The following KCNH1 variants were observed in gnomAD, a reference collection of about 807,000 sequenced individuals.
KCNH1 encodes potassium voltage-gated channel subfamily H member 1.
In KCNH1, 27 loss-of-function variants were observed where a neutral mutation model predicts 69.2. The ratio of observed to expected loss-of-function variants is 0.39; its 90% CI spans 0.29 to 0.54. The LOEUF (loss-of-function observed/expected upper bound fraction) is 0.54. Among genes scored for constraint, KCNH1 ranks in the 20% least tolerant of loss-of-function variants. The pLI is 0.68. For missense variants in KCNH1, 798 were observed against 1,261.6 expected (o/e 0.63, Z 5.57); for synonymous variants, 456 against 487.7 (o/e 0.93, Z 0.86).
At chr1:210,965,395 C>T (rs1478661282) in intron 6 of KCNH1, among the ~76,000 whole-genome samples, 4 of 152,160 alleles carry the variant, frequency 2.6e-5, no homozygotes, top group Admixed American at 1.3e-4. Context: ...TAAGCAACTT[C>T]AGCAGTCTCA....
rs549831105 is a variant in KCNH1, at chr1:210,704,315, C to T, written c.2113-20177G>A. On this transcript the variant is annotated intron_variant, in intron 10 of 10. Coordinates refer to ENST00000271751, the MANE Select transcript of KCNH1 (RefSeq NM_172362.3). ...TATCAACCTCATTTCTAATAACAAT[C>T]GCCACGCCTAGAAGATTAGTAGGCC... Among the ~76,000 whole-genome samples, 9 of 152,204 alleles carry T rather than the reference C, an allele frequency of 5.9e-5. 1 individual carries two copies. The highest frequency in any genetic ancestry group is 1.4e-4 in the African/African-American group (6 of 41,538).
At chr1:210,873,143 G>A (rs1378715493) in intron 7 of KCNH1, among the ~76,000 whole-genome samples, 1 of 152,032 alleles carries the variant, frequency 6.6e-6, no homozygotes, top group Non-Finnish European at 1.5e-5. Context: ...TTAAATTACA[G>A]GTATTACTTC....
chr1:211,078,814 A>G (rs1690787390), intron 5 of KCNH1, among the ~76,000 whole-genome samples: 2 of 149,970 alleles, frequency 1.3e-5, no homozygotes, highest in African/African-American at 4.9e-5. Context: ...GCTGCTCGGG[A>G]GGCTGAGGCA....
At chr1:210,776,984 A>G (rs1683872992) in intron 9 of KCNH1, among the ~76,000 whole-genome samples, 1 of 152,218 alleles carries the variant, frequency 6.6e-6, no homozygotes, top group Non-Finnish European at 1.5e-5. Flanking sequence ...ACAAATTTGA[A>G]TCCCCAGGGA....
intron 7 of KCNH1, among the ~76,000 whole-genome samples, chr1:210,909,939 GT>G (rs1465707033): frequency 1.3e-5 from 2 of 152,310 alleles, no homozygotes; most frequent in East Asian, 3.9e-4. Flanking sequence ...AAAAAATCAA[GT>G]CTGCATCTCA....
At chr1:211,055,482 T>C (rs555109424) in intron 5 of KCNH1, among the ~76,000 whole-genome samples, 3 of 152,332 alleles carry the variant, frequency 2.0e-5, no homozygotes, top group East Asian at 3.9e-4. Flanking sequence ...AAAGGCAGTC[T>C]AGACCACAAG....
intron 7 of KCNH1, among the ~76,000 whole-genome samples, chr1:210,828,567 A>G (rs1164111103): frequency 6.6e-6 from 1 of 152,094 alleles, no homozygotes; most frequent in Admixed American, 6.6e-5. Flanking sequence ...CTTTTGCTAA[A>G]TCCTTATTTA....
At chr1:210,956,620 C>G (rs1389775105) in intron 6 of KCNH1, among the ~76,000 whole-genome samples, 1 of 149,788 alleles carries the variant, frequency 6.7e-6, no homozygotes, top group Non-Finnish European at 1.5e-5. Context: ...AGAGATTCCA[C>G]TTCTTCCTGG....
At chr1:210,711,175 A>G (rs1229378023) in intron 10 of KCNH1, among the ~76,000 whole-genome samples, 2 of 152,082 alleles carry the variant, frequency 1.3e-5, no homozygotes, top group African/African-American at 4.8e-5. Context: ...GCCCCAGACC[A>G]TGGGGGAAGG....
At chr1:210,968,048 T>C (rs1478433181) in intron 6 of KCNH1, among the ~76,000 whole-genome samples, 2 of 151,292 alleles carry the variant, frequency 1.3e-5, no homozygotes, top group Non-Finnish European at 2.9e-5. Flanking sequence ...CCCCAGAGTG[T>C]GATATTCCCC....
intron 5 of KCNH1, among the ~76,000 whole-genome samples, chr1:211,028,464 C>A (rs1321294239): frequency 6.6e-6 from 1 of 151,020 alleles, no homozygotes. Flanking sequence ...GAACAGAAAT[C>A]GATGAAATTA....
intron 10 of KCNH1, among the ~76,000 whole-genome samples, chr1:210,752,920 G>T (rs549686703): frequency 6.6e-6 from 1 of 152,264 alleles, no homozygotes; most frequent in African/African-American, 2.4e-5. Flanking sequence ...TAAGAGAAAG[G>T]TGTGGGAGAT....
rs1196867783 is a variant in KCNH1 at position 210,683,942 on chromosome 1, T to C, written c.2309A>G (p.Asn770Ser). ...DLDDLDVEKG[N>S]VLTEHASANH... ...GGCGGAGGCATGCTCTGTAAGGACA[T>C]TGCCCTTCTCCACATCTAGGTCATC... Residue 770 changes from asparagine to serine, a missense_variant, in exon 11 of 11, where the codon AAT becomes AGT. By Grantham distance (46) the Asn-to-Ser change is conservative. This residue lies in a region of KCNH1 where 331 missense variants were observed against 363.2 expected (regional missense o/e 0.91). Transcript: ENST00000271751. This position sits in a 1 kb window ranked among gnomAD's most constrained non-coding sequence, Gnocchi z 5.7. 5.0e-6 allele frequency: 8 copies of C among 1,608,368 alleles called. No individual in the cohort carries two copies. Among genetic ancestry groups the C allele is most frequent in the East Asian group, 4.5e-5 (2 of 44,672 alleles).
intron 5 of KCNH1, among the ~76,000 whole-genome samples, chr1:211,029,877 G>A (rs1315936775): frequency 6.6e-6 from 1 of 152,062 alleles, no homozygotes; most frequent in Non-Finnish European, 1.5e-5. Context: ...AAAAATTACT[G>A]TATTTCTACA....
chr1:210,979,546 T>C (rs892340195), intron 6 of KCNH1, among the ~76,000 whole-genome samples: 1 of 152,224 alleles, frequency 6.6e-6, no homozygotes, highest in Middle Eastern at 3.2e-3. Flanking sequence ...TCCATTCTCC[T>C]GTTTCACTTC....
chr1:210,899,702 T>C (rs1475669549), intron 7 of KCNH1, among the ~76,000 whole-genome samples: 2 of 152,190 alleles, frequency 1.3e-5, no homozygotes, highest in Admixed American at 6.5e-5. Flanking sequence ...TACTAGGTGG[T>C]TTATATTTGT....
At chr1:210,735,313 C>T (rs1387591472) in intron 10 of KCNH1, among the ~76,000 whole-genome samples, 1 of 152,110 alleles carries the variant, frequency 6.6e-6, no homozygotes, top group Admixed American at 6.6e-5. Flanking sequence ...CTGCCTGAGT[C>T]ACTTTTCAGA....
chr1:210,898,834 G>A (rs1686929775), intron 7 of KCNH1, among the ~76,000 whole-genome samples: 1 of 152,182 alleles, frequency 6.6e-6, no homozygotes, highest in Non-Finnish European at 1.5e-5. Flanking sequence ...CAGGTGTGGG[G>A]TAATGAGGGC....
intron 10 of KCNH1, among the ~76,000 whole-genome samples, chr1:210,708,270 C>G (rs1156252474): frequency 6.6e-6 from 1 of 152,072 alleles, no homozygotes; most frequent in Non-Finnish European, 1.5e-5. Context: ...CTGAGGAATT[C>G]CACTTCTTCC....
Sources: gnomAD v4.1 joint callset for allele counts (sites outside exome capture counted in the v4.1 genomes callset) on GRCh38, gnomAD v4.1.1 for gene constraint, gnomAD v4.1.1 regional missense constraint, Gnocchi (gnomAD v3.1) non-coding constraint, MANE v1.5 for transcripts, NCBI Gene and HGNC (gene_info 2026-07-23, HGNC 2026-07-21) for gene names.